MRNIP: variants seen among roughly 807,000 people sequenced by gnomAD.
MRNIP encodes MRN complex-interacting protein.
Under a neutral mutation model 29.8 loss-of-function variants are expected in MRNIP, and 30 were observed. The ratio of observed to expected loss-of-function variants is 1.01; its 90% CI spans 0.75 to 1.36. The LOEUF is 1.36. MRNIP is among the 40% of genes most tolerant of loss of function. The pLI is 0.00. For missense variants in MRNIP, 459 were observed against 423.5 expected (o/e 1.08, Z -0.74); for synonymous variants, 201 against 164.1 (o/e 1.23, Z -1.72).
intron 1 of MRNIP, among the ~76,000 whole-genome samples, chr5:179,856,865 G>A (rs1297751644): frequency 6.6e-6 from 1 of 150,726 alleles, no homozygotes. Flanking sequence ...AAGGCGGGAA[G>A]AACACTTGAG....
At chr5:179,844,435 G>C in intron 3 of MRNIP, 3 of 487,992 alleles carry the variant, frequency 6.1e-6, no homozygotes, top group Non-Finnish European at 1.1e-5. Context: ...GAACCCGGAA[G>C]GCAGAGGCTG....
intron 4 of MRNIP, among the ~76,000 whole-genome samples, chr5:179,843,296 C>G (rs1758992455): frequency 6.6e-6 from 1 of 151,958 alleles, no homozygotes; most frequent in African/African-American, 2.4e-5. Context: ...TCACTGAAAA[C>G]TATACCGCAG....
At chr5:179,853,728 C>A (rs1759468924) in intron 1 of MRNIP, among the ~76,000 whole-genome samples, 1 of 150,994 alleles carries the variant, frequency 6.6e-6, no homozygotes, top group Non-Finnish European at 1.5e-5. Context: ...GCCAAGATTG[C>A]ACCACTGCAC....
At chr5:179,837,945 C>T in intron 6 of MRNIP, 60 bp from the exon 7 acceptor site, 1 of 1,518,704 alleles carries the variant, frequency 6.6e-7, no homozygotes, top group Admixed American at 1.8e-5. Context: ...CCCAGGAGGA[C>T]CGCCTGCCCT....
intron 1 of MRNIP, among the ~76,000 whole-genome samples, chr5:179,858,310 C>A (rs1346204016): frequency 6.6e-6 from 1 of 152,126 alleles, no homozygotes; most frequent in Non-Finnish European, 1.5e-5. Flanking sequence ...CCCGCGGAAA[C>A]GGACGGCGGC....
chr5:179,840,370 C>T (rs1158939656), intron 6 of MRNIP: 2 of 161,010 alleles, frequency 1.2e-5, no homozygotes, highest in South Asian at 1.7e-4. Flanking sequence ...GACTGTGCCA[C>T]TGCACTCCAG....
intron 2 of MRNIP, among the ~76,000 whole-genome samples, chr5:179,852,343 A>G (rs1416822209): frequency 6.6e-6 from 1 of 152,154 alleles, no homozygotes. Flanking sequence ...TGTCCTAAGT[A>G]AACAGTAAAC....
chr5:179,842,862 G>C (rs542981190), intron 4 of MRNIP, among the ~76,000 whole-genome samples: 3 of 149,998 alleles, frequency 2.0e-5, no homozygotes, highest in Non-Finnish European at 3.0e-5. Context: ...GTGAAACCCC[G>C]TCTCTACTAA....
intron 4 of MRNIP, among the ~76,000 whole-genome samples, chr5:179,842,938 CAGG>C (rs1758957591): frequency 1.3e-5 from 2 of 151,456 alleles, no homozygotes; most frequent in Admixed American, 6.6e-5. Context: ...GAGGCTGAGG[CAGG>C]AGAATTGCTT....
chr5:179,856,883 G>A (rs955810307), intron 1 of MRNIP, among the ~76,000 whole-genome samples: 1 of 151,578 alleles, frequency 6.6e-6, no homozygotes, highest in Non-Finnish European at 1.5e-5. Flanking sequence ...GAGCCCAGGA[G>A]TTCCAGACCA....
rs985269995 is a variant in MRNIP at position 179,841,082 on chromosome 5, AGCT to A, written c.450-126_450-124del. ...TGCTTGTTCCTACGGCTTCCCAGGCAGCTGCTCAGGGTGTCCAGCCACCGCCCA... is the reference window on the plus strand; with the variant it reads ...TGCTTGTTCCTACGGCTTCCCAGGCAGCTCAGGGTGTCCAGCCACCGCCCA... On this transcript the variant is annotated intron_variant, in intron 5 of 6. Coordinates refer to ENST00000292586, the MANE Select transcript of MRNIP (RefSeq NM_016175.4). The A allele has an allele frequency of 1.2e-5, 8 of 655,276 alleles. No homozygotes were observed. In the Admixed American group the frequency reaches 1.3e-4, roughly 10 times the overall value. The allele number at this position is 655,276 out of a possible 1,614,324, so 40.6% of individuals were successfully genotyped here.
chr5:179,852,444 A>G (rs747143995), intron 2 of MRNIP, among the ~76,000 whole-genome samples: 1 of 152,208 alleles, frequency 6.6e-6, no homozygotes, highest in Non-Finnish European at 1.5e-5. Context: ...TAAATGCCCA[A>G]CAAGGTTGGG....
At chr5:179,844,616 C>T (rs537887803) in intron 3 of MRNIP, among the ~76,000 whole-genome samples, 14 of 152,066 alleles carry the variant, frequency 9.2e-5, no homozygotes, top group East Asian at 3.9e-4. Context: ...ATTGTAGAGA[C>T]GGTTTTGCCA....
intron 2 of MRNIP, chr5:179,851,041 C>A: frequency 2.8e-6 from 1 of 363,596 alleles, no homozygotes. Context: ...CTTCCCAGGA[C>A]TGTTATGAGA....
intron 2 of MRNIP, among the ~76,000 whole-genome samples, chr5:179,851,909 C>A (rs949811269): frequency 4.0e-5 from 6 of 151,612 alleles, no homozygotes; most frequent in African/African-American, 1.5e-4. Context: ...ACCCAGGGGG[C>A]GGAGCTTGCA....
chr5:179,854,952 T>C (rs2113574125), intron 1 of MRNIP, among the ~76,000 whole-genome samples: 1 of 152,282 alleles, frequency 6.6e-6, no homozygotes, highest in South Asian at 2.1e-4. Context: ...TGCCCGCTAT[T>C]ATTTACCATT....
chr5:179,857,940 G>A (rs532141140), intron 1 of MRNIP, among the ~76,000 whole-genome samples: 81 of 151,820 alleles, frequency 5.3e-4, no homozygotes, highest in African/African-American at 1.9e-3. Context: ...GAACCTGGGA[G>A]GCGGAGGTTG....
At chr5:179,842,094 A>G in intron 4 of MRNIP, 30 bp from the exon 5 acceptor site, 1 of 1,610,092 alleles carries the variant, frequency 6.2e-7, no homozygotes, top group South Asian at 1.1e-5. Context: ...GTTGATTCTC[A>G]GTACTGGAAA....
intron 2 of MRNIP, among the ~76,000 whole-genome samples, chr5:179,851,897 A>G (rs186802387): frequency 4.2e-4 from 64 of 152,060 alleles, no homozygotes; most frequent in Non-Finnish European, 5.9e-4. Context: ...AGAATGGCGT[A>G]AACCCAGGGG....
Sources: gnomAD v4.1 joint callset for allele counts (sites outside exome capture counted in the v4.1 genomes callset) on GRCh38, gnomAD v4.1.1 for gene constraint, MANE v1.5 for transcripts, NCBI Gene and HGNC (gene_info 2026-07-23, HGNC 2026-07-21) for gene names.